FEZF1: variants seen among roughly 807,000 people sequenced by gnomAD.
The protein encoded by FEZF1 is fez family zinc finger protein 1.
Under a neutral mutation model 32.4 loss-of-function variants are expected in FEZF1, and 8 were observed. That is an observed-to-expected ratio of 0.25 (90% CI 0.15 to 0.45). FEZF1 has a LOEUF of 0.45. FEZF1 is among the 20% of genes least tolerant of loss of function. The probability of loss-of-function intolerance (pLI) is 1.00; values close to 1 mark genes in which losing one functional copy is unlikely to be tolerated. For missense variants in FEZF1, 546 were observed against 622.3 expected (o/e 0.88, Z 1.31); for synonymous variants, 259 against 265.2 (o/e 0.98, Z 0.23).
Position 122,301,672 on chromosome 7 carries a change from A to G in FEZF1, c.*325T>C, listed in dbSNP as rs950214802. 3.5e-6 allele frequency: 1 copy of G among 287,044 alleles called. No individual in the cohort carries two copies. Among genetic ancestry groups the G allele is most frequent in the Non-Finnish European group, 6.3e-6 (1 of 157,938 alleles). The allele number at this position is 287,044 out of a possible 1,614,324, so 17.8% of individuals were successfully genotyped here. On this transcript the variant is annotated 3_prime_UTR_variant, in exon 4 of 4. Transcript: ENST00000442488. ...AATATAGCAGAAATTTGTTTAAACAAAACAAAACAAAATAAACACCATCTC... is the reference window on the plus strand; with the variant it reads ...AATATAGCAGAAATTTGTTTAAACAGAACAAAACAAAATAAACACCATCTC...
chr7:122,301,983 A>C lies in FEZF1; in HGVS notation c.*14T>G, dbSNP rs756852930. 1 of 1,562,734 alleles carries C rather than the reference A, an allele frequency of 6.4e-7. No homozygotes were observed. The highest frequency in any genetic ancestry group is 8.6e-7 in the Non-Finnish European group (1 of 1,166,896). ...TGGGGGCACGGCTGAGGCTGGGAGG[A>C]CCCTTAGCCTCGATCACTGGTGGCC... On this transcript the variant is annotated 3_prime_UTR_variant, in exon 4 of 4. Transcript: ENST00000442488.
In FEZF1 at chr7:122,304,160, G is replaced by A. The variant is rs1397744626; in HGVS notation, c.278C>T (p.Ser93Phe). ...CTCCAGACTGGCCTTCCGCGGCTCG[G>A]AGCCCGTCACTCCTGCCTTGGGGCT... ...DTSPKAGVTG[S>F]EPRKASLEAP... Residue 93 changes from serine to phenylalanine, a missense_variant, in exon 1 of 4, where the codon TCC (serine) becomes TTC (phenylalanine). Physicochemically the swap from Ser to Phe is radical, Grantham distance 155. Around this residue, in one of 3 missense-constraint regions of FEZF1, gnomAD observed 345 missense variants for 360.6 expected, o/e 0.96. Coordinates refer to ENST00000442488, the MANE Select transcript of FEZF1 (RefSeq NM_001024613.4). 1.2e-6 allele frequency: 2 copies of A among 1,602,942 alleles called. No individual in the cohort carries two copies. The highest frequency in any genetic ancestry group is 1.7e-6 in the Non-Finnish European group (2 of 1,173,374).
Position 122,303,992 on chromosome 7 carries a change from A to T in FEZF1, c.446T>A (p.Val149Asp). 1.3e-6 allele frequency: 2 copies of T among 1,576,772 alleles called. No individual in the cohort carries two copies. Among genetic ancestry groups the T allele is most frequent in the Non-Finnish European group, 1.7e-6 (2 of 1,161,452 alleles). ...QQYKLVRPRVVNHSSFHAMGA... is the reference protein window; with the variant it reads ...QQYKLVRPRVDNHSSFHAMGA... The stretch of plus-strand genomic sequence containing the variant: ...CATGGCGTGGAATGAAGAGTGGTTG[A>T]CCACACGCGGCCTTACCAGCTTGTA... The change falls in exon 1 of 4, where the codon GTC (valine) becomes GAC (aspartate). Residue 149 changes from valine (V) to aspartate (D), a missense_variant. Val to Asp is a radical substitution (Grantham distance 152). Around this residue, in one of 3 missense-constraint regions of FEZF1, gnomAD observed 345 missense variants for 360.6 expected, o/e 0.96. Coordinates refer to ENST00000442488, the MANE Select transcript of FEZF1 (RefSeq NM_001024613.4).
In FEZF1 at chr7:122,302,482, GGC is replaced by G; in HGVS notation, c.1070-129_1070-128del. ...GCCACAGGTCCCACAACAAGTGCAG[GGC>G]TACTATCTGTGCCTGCACTTGTCTC... On this transcript the variant is annotated intron_variant, in intron 3 of 3. Coordinates refer to ENST00000442488, the MANE Select transcript of FEZF1 (RefSeq NM_001024613.4). The surrounding 1 kb of genome is among the most constrained non-coding windows in gnomAD (Gnocchi z 4.4). 1 of 1,411,398 alleles carries G rather than the reference GGC, an allele frequency of 7.1e-7. No homozygotes were observed. Among genetic ancestry groups the G allele is most frequent in the South Asian group, 1.3e-5 (1 of 77,462 alleles). 87.4% of individuals were successfully genotyped at this position (1,411,398 alleles called of 1,614,324 possible).
Position 122,303,699 on chromosome 7 carries a change from C to T in FEZF1, c.739G>A (p.Asp247Asn). 6.2e-7 allele frequency: 1 copy of T among 1,614,188 alleles called. No individual in the cohort carries two copies. Among genetic ancestry groups the T allele is most frequent in the Non-Finnish European group, 8.5e-7 (1 of 1,180,040 alleles). The stretch of plus-strand genomic sequence containing the variant: ...GCATTAGGAGAGCCTCGGCTGAAAT[C>T]CGAGGTTTTGAACGCGATTTTTTCC... ...LSEKIAFKTS[D>N]FSRGSPNAKP... The change falls in exon 1 of 4, where the codon GAT becomes AAT. Residue 247 changes from aspartate to asparagine, a missense_variant. By Grantham distance (23) the Asp-to-Asn change is conservative. Coordinates refer to ENST00000442488, the MANE Select transcript of FEZF1 (RefSeq NM_001024613.4).
chr7:122,304,168 C>T lies in FEZF1; in HGVS notation c.270G>A (p.Val90=). The T allele has an allele frequency of 6.2e-7, 1 of 1,602,224 alleles. No individual in the cohort carries two copies. Among genetic ancestry groups the T allele is most frequent in the Non-Finnish European group, 8.5e-7 (1 of 1,172,804 alleles). ...VAYDTSPKAG[V]TGSEPRKASL... ...TGGCCTTCCGCGGCTCGGAGCCCGTCACTCCTGCCTTGGGGCTCGTGTCGT... is the reference window on the plus strand; with the variant it reads ...TGGCCTTCCGCGGCTCGGAGCCCGTTACTCCTGCCTTGGGGCTCGTGTCGT... Residue 90 remains valine, a synonymous_variant, in exon 1 of 4, where the codon GTG becomes GTA. Coordinates refer to ENST00000442488, the MANE Select transcript of FEZF1 (RefSeq NM_001024613.4).
In FEZF1 at chr7:122,302,687, A is replaced by G; in HGVS notation, c.1069+112T>C. On this transcript the variant is annotated intron_variant, in intron 3 of 3. Transcript: ENST00000442488. The surrounding 1 kb of genome is among the most constrained non-coding windows in gnomAD (Gnocchi z 4.4). ...CTTCGAGTAGGGAGTTAGAATGGCA[A>G]CAAAAGTGCCACATAACTACACTTT... 8.3e-7 allele frequency: 1 copy of G among 1,205,962 alleles called. No homozygotes were observed. Among genetic ancestry groups the G allele is most frequent in the Non-Finnish European group, 1.2e-6 (1 of 831,642 alleles). 74.7% of individuals were successfully genotyped at this position (1,205,962 alleles called of 1,614,324 possible). A position where few individuals can be genotyped will look rare whatever the true frequency, so the allele number is the denominator to read the frequency against.
chr7:122,302,013 T>C lies in FEZF1; in HGVS notation c.1412A>G (p.His471Arg). 1 of 1,593,392 alleles carries C rather than the reference T, an allele frequency of 6.3e-7. No homozygotes were observed. Among genetic ancestry groups the C allele is most frequent in the Non-Finnish European group, 8.5e-7 (1 of 1,177,266 alleles). ...PTPGPLQPGL[H>R]QGHQ Reference sequence around the variant, plus strand: ...TAGCCTCGATCACTGGTGGCCCTGGTGGAGCCCGGGCTGCAGGGGCCCCGG... The same window carrying C: ...TAGCCTCGATCACTGGTGGCCCTGGCGGAGCCCGGGCTGCAGGGGCCCCGG... The change falls in exon 4 of 4, where the codon CAC becomes CGC. Residue 471 changes from histidine to arginine, a missense_variant. Physicochemically the swap from His to Arg is conservative, Grantham distance 29. Transcript: ENST00000442488. This position sits in a 1 kb window ranked among gnomAD's most constrained non-coding sequence, Gnocchi z 4.4.
rs570196942 is a variant in FEZF1, at chr7:122,303,915, C to G, written c.523G>C (p.Gly175Arg). The change falls in exon 1 of 4, where the codon GGC becomes CGC. Residue 175 changes from glycine (G) to arginine (R), a missense_variant. By Grantham distance (125) the Gly-to-Arg change is moderately radical. This residue lies in a region of FEZF1 where 345 missense variants were observed against 360.6 expected (regional missense o/e 0.96). Transcript: ENST00000442488. ...RGDGPCHPAA[G>R]VNIHPVASYF... is the part of the protein sequence containing the mutation. ...GAGGCCACCGGGTGGATGTTCACGC[C>G]GGCTGCCGGGTGGCATGGGCCGTCA... The G allele has an allele frequency of 1.7e-4, 279 of 1,612,876 alleles. 1 individual carries two copies. In the Admixed American group the frequency reaches 4.3e-3, roughly 25 times the overall value.
At position 122,303,725 on chromosome 7, in the gene FEZF1, G is replaced by C; in HGVS notation, c.713C>G (p.Ser238Trp). ...HYMKESAQLLSEKIAFKTSDF... is the reference protein window; with the variant it reads ...HYMKESAQLLWEKIAFKTSDF... ...CGAGGTTTTGAACGCGATTTTTTCC[G>C]ACAGAAGCTGGGCGCTTTCTTTCAT... The change falls in exon 1 of 4, where the codon TCG (serine) becomes TGG (tryptophan). Residue 238 changes from serine to tryptophan, a missense_variant. Ser to Trp is a radical substitution (Grantham distance 177). Transcript: ENST00000442488. The C allele has an allele frequency of 2.5e-6, 4 of 1,614,204 alleles. No individual in the cohort carries two copies. Among genetic ancestry groups the C allele is most frequent in the Non-Finnish European group, 3.4e-6 (4 of 1,180,042 alleles).
At chr7:122,303,415 T>C in intron 1 of FEZF1, 104 bp from the exon 2 acceptor site, 1 of 1,376,178 alleles carries the variant, frequency 7.3e-7, no homozygotes, top group Non-Finnish European at 1.0e-6. Flanking sequence ...AAAAAGTGTA[T>C]GCAAATAATT....
At position 122,303,976 on chromosome 7, in the gene FEZF1, G is replaced by C. The variant is rs1457307345; in HGVS notation, c.462C>G (p.Phe154Leu). ...GGTAGCACAAGGCGCCCATGGCGTG[G>C]AATGAAGAGTGGTTGACCACACGCG... Reference protein sequence around the residue: ...VRPRVVNHSSFHAMGALCYLN... With the variant: ...VRPRVVNHSSLHAMGALCYLN... The change falls in exon 1 of 4, where the codon TTC (phenylalanine) becomes TTG (leucine). Residue 154 changes from phenylalanine to leucine, a missense_variant. Phe to Leu is a conservative substitution (Grantham distance 22). Coordinates refer to ENST00000442488, the MANE Select transcript of FEZF1 (RefSeq NM_001024613.4). 2 of 1,587,956 alleles carry C rather than the reference G, an allele frequency of 1.3e-6. No individual in the cohort carries two copies. The highest frequency in any genetic ancestry group is 1.7e-6 in the Non-Finnish European group (2 of 1,166,882).
chr7:122,303,472 G>GGGAAGGAAGGAAGGAAGGAA (rs1159831933), intron 1 of FEZF1, among the ~76,000 whole-genome samples, 161 bp from the exon 2 acceptor site: 6 of 81,942 alleles, frequency 7.3e-5, no homozygotes, highest in Admixed American at 1.3e-4. Context: ...GAGCGAGGGA[G>GGGAAGGAAGGAAGGAAGGAA]GGAAGGAAGG....
chr7:122,302,057 C>A lies in FEZF1; in HGVS notation c.1368G>T (p.Leu456=). The change falls in exon 4 of 4, where the codon CTG becomes CTT. Residue 456 remains leucine, a synonymous_variant. Coordinates refer to ENST00000442488, the MANE Select transcript of FEZF1 (RefSeq NM_001024613.4). The surrounding 1 kb of genome is among the most constrained non-coding windows in gnomAD (Gnocchi z 4.4). The part of the protein sequence containing the change: ...PQQPPMTLPP[L]QPPLPTPGPL... Reference sequence around the variant, plus strand: ...GCCCCGGGGTTGGCAGCGGCGGCTGCAGAGGAGGCAGCGTCATCGGCGGCT... The same window carrying A: ...GCCCCGGGGTTGGCAGCGGCGGCTGAAGAGGAGGCAGCGTCATCGGCGGCT... 1.2e-6 allele frequency: 2 copies of A among 1,605,504 alleles called. No homozygotes were observed. Among genetic ancestry groups the A allele is most frequent in the Non-Finnish European group, 1.7e-6 (2 of 1,178,554 alleles).
intron 1 of FEZF1, 105 bp downstream of exon 1, chr7:122,303,513 GGAAGGAAGGAAGGAAGGAA>G (rs1563042029): frequency 4.7e-5 from 26 of 549,386 alleles, no homozygotes; most frequent in African/African-American, 9.4e-5. Context: ...AAGGAAGGAA[GGAAGGAAGGAAGGAAGGAA>G]GGAAGGAGGG....
chr7:122,303,628 T>C lies in FEZF1; in HGVS notation c.801+9A>G. The C allele has an allele frequency of 6.2e-7, 1 of 1,609,082 alleles. No individual in the cohort carries two copies. Among genetic ancestry groups the C allele is most frequent in the Non-Finnish European group, 8.5e-7 (1 of 1,177,090 alleles). On this transcript the variant is annotated intron_variant, in intron 1 of 3. Coordinates refer to ENST00000442488, the MANE Select transcript of FEZF1 (RefSeq NM_001024613.4). The stretch of plus-strand genomic sequence containing the variant: ...GAAGGAAAGGATCTCCGTTTTGCAT[T>C]GTACTTGCCTTTCCACACACTTCGC...
chr7:122,303,618 C>T lies in FEZF1; in HGVS notation c.801+19G>A, dbSNP rs747848212. The T allele has an allele frequency of 1.9e-6, 3 of 1,596,742 alleles. No individual in the cohort carries two copies. Among genetic ancestry groups the T allele is most frequent in the Non-Finnish European group, 2.6e-6 (3 of 1,168,064 alleles). On this transcript the variant is annotated intron_variant, in intron 1 of 3. Transcript: ENST00000442488. ...GGAAGGGAGGGAAGGAAAGGATCTC[C>T]GTTTTGCATTGTACTTGCCTTTCCA...
In FEZF1 at chr7:122,304,455, C is replaced by G; in HGVS notation, c.-18G>C. ...CTGTCCATGTCTGAGTCGCCAGCGT[C>G]CGTCAGCCGGGGCTGGGTTGCGCCG... On this transcript the variant is annotated 5_prime_UTR_variant, in exon 1 of 4. Transcript: ENST00000442488. 6.5e-7 allele frequency: 1 copy of G among 1,536,708 alleles called. No homozygotes were observed. The highest frequency in any genetic ancestry group is 8.8e-7 in the Non-Finnish European group (1 of 1,136,234).
chr7:122,310,047 T>G (rs995873458), intron 1 of FEZF1: 5 of 152,160 alleles, frequency 3.3e-5, no homozygotes, highest in African/African-American at 1.2e-4. Flanking sequence ...TCTTAAGTGA[T>G]CCCATGAAAT....
Sources: gnomAD v4.1 joint callset for allele counts (sites outside exome capture counted in the v4.1 genomes callset) on GRCh38, gnomAD v4.1.1 for gene constraint, gnomAD v4.1.1 regional missense constraint, Gnocchi (gnomAD v3.1) non-coding constraint, MANE v1.5 for transcripts, NCBI Gene and HGNC (gene_info 2026-07-23, HGNC 2026-07-21) for gene names.